Variants in SLC22A15 observed in about 807,000 individuals in gnomAD.
SLC22A15 encodes solute carrier family 22 member 15.
Under a neutral mutation model 62.7 loss-of-function variants are expected in SLC22A15, and 45 were observed. The observed-to-expected ratio is 0.72, with a 90% confidence interval of 0.56 to 0.92. The LOEUF (loss-of-function observed/expected upper bound fraction) is 0.92, where lower values mean the gene tolerates loss of function less well. Among genes scored for constraint, SLC22A15 ranks in the 40% least tolerant of loss-of-function variants. SLC22A15 has a pLI of 0.00. For missense variants in SLC22A15, 622 were observed against 665.6 expected, an observed-to-expected ratio of 0.93 and a Z score of 0.72; for synonymous variants, 264 against 267.0, an observed-to-expected ratio of 0.99 and a Z score of 0.11.
At chr1:116,008,155 C>G (rs1656077393) in intron 2 of SLC22A15, among the ~76,000 whole-genome samples, 1 of 152,016 alleles carries the variant, frequency 6.6e-6, no homozygotes, top group Non-Finnish European at 1.5e-5. Context: ...GAAATATCAA[C>G]CTAAAGGAAG....
At position 116,032,233 on chromosome 1, in the gene SLC22A15, T is replaced by C. The variant is rs941866921; in HGVS notation, c.944+652T>C. The C allele has an allele frequency of 7.1e-6, 7 of 985,346 alleles. No individual in the cohort carries two copies. The African/African-American group carries it at 1.2e-4, about 17-fold the overall frequency. The allele number at this position is 985,346 out of a possible 1,614,324, so 61.0% of individuals were successfully genotyped here. A position where few individuals can be genotyped will look rare whatever the true frequency, so the allele number is the denominator to read the frequency against. The stretch of plus-strand genomic sequence containing the variant: ...AAATGCTCTCAGCGTGAGTGTAAGT[T>C]GCATTCAGCGGTTCAAGATGGTTTC... On this transcript the variant is annotated intron_variant, in intron 6 of 11. Transcript: ENST00000369503.
At chr1:116,060,596 A>T (rs992132966) in intron 8 of SLC22A15, among the ~76,000 whole-genome samples, 5 of 152,300 alleles carry the variant, frequency 3.3e-5, no homozygotes, top group African/African-American at 1.2e-4. Context: ...AGTCCCAGAG[A>T]TCATTTGCAA....
chr1:116,031,933 G>A (rs1372998129), intron 6 of SLC22A15: 8 of 1,084,488 alleles, frequency 7.4e-6, no homozygotes, highest in Non-Finnish European at 9.0e-6. Flanking sequence ...AAATAGATGA[G>A]TTTTTAAATA....
intron 8 of SLC22A15, among the ~76,000 whole-genome samples, chr1:116,056,038 G>A (rs1487534926): frequency 2.5e-5 from 3 of 122,426 alleles, no homozygotes; most frequent in African/African-American, 6.3e-5. Context: ...TCAACATAGT[G>A]TTGGAAGTTC....
At chr1:116,054,502 A>G (rs1303465934) in intron 8 of SLC22A15, among the ~76,000 whole-genome samples, 1 of 152,166 alleles carries the variant, frequency 6.6e-6, no homozygotes, top group African/African-American at 2.4e-5. Context: ...TCAACGAGAC[A>G]GAAAGTTAAA....
At chr1:116,020,525 C>T (rs1656771845) in intron 3 of SLC22A15, among the ~76,000 whole-genome samples, 196 bp from the exon 4 acceptor site, 1 of 148,446 alleles carries the variant, frequency 6.7e-6, no homozygotes, top group Admixed American at 6.7e-5. Flanking sequence ...CACTGCACTC[C>T]AGCCTGGGTG....
rs116768776 is a variant in SLC22A15 at position 115,986,726 on chromosome 1, T to G, written c.88-5305T>G. 3.6e-3 allele frequency among the ~76,000 whole-genome samples: 547 copies of G among 152,328 alleles called. 5 individuals are homozygous for G. Among genetic ancestry groups the G allele is most frequent in the African/African-American group, 0.013 (531 of 41,576 alleles). ...CCACCCCAGACTTAGGGAGTCACAT[T>G]AAATTTGGGAAGCACTAATATATGC... On this transcript the variant is annotated intron_variant, in intron 1 of 11. Transcript: ENST00000369503.
chr1:116,061,421 C>T lies in SLC22A15; in HGVS notation c.1172-1341C>T, dbSNP rs145542738. Among the ~76,000 whole-genome samples the T allele has an allele frequency of 1.1e-3, 169 of 152,138 alleles. 2 individuals are homozygous for T. In the East Asian group the frequency reaches 0.03, roughly 27 times the overall value. ...CAGAAATGTCAAGGAGAATGAGAGG[C>T]AATTACATTTGGTGATGAGGACATT... On this transcript the variant is annotated intron_variant, in intron 8 of 11. Coordinates refer to ENST00000369503, the MANE Select transcript of SLC22A15 (RefSeq NM_018420.3).
chr1:116,042,608 A>G (rs1557902758), intron 8 of SLC22A15, among the ~76,000 whole-genome samples: 3 of 152,226 alleles, frequency 2.0e-5, no homozygotes, highest in South Asian at 4.1e-4. Flanking sequence ...TAAAAACTAT[A>G]AACACATAAT....
intron 5 of SLC22A15, 114 bp downstream of exon 5, chr1:116,027,136 T>C: frequency 2.0e-6 from 2 of 1,014,380 alleles, no homozygotes; most frequent in Non-Finnish European, 3.0e-6. Context: ...GCACTGACTT[T>C]GGTGAAGAAC....
At chr1:116,058,764 C>T (rs186958836) in intron 8 of SLC22A15, among the ~76,000 whole-genome samples, 54 of 152,240 alleles carry the variant, frequency 3.5e-4, no homozygotes, top group Admixed American at 8.5e-4. Context: ...GGTATATATA[C>T]AATGGAATAC....
intron 1 of SLC22A15, among the ~76,000 whole-genome samples, chr1:115,982,082 G>A (rs1654636653): frequency 6.6e-6 from 1 of 152,194 alleles, no homozygotes; most frequent in South Asian, 2.1e-4. Context: ...TGGCCTTGGG[G>A]CAGTGTTGAC....
chr1:116,012,852 A>T (rs1279833580), intron 2 of SLC22A15, among the ~76,000 whole-genome samples: 2 of 152,188 alleles, frequency 1.3e-5, no homozygotes, highest in African/African-American at 4.8e-5. Flanking sequence ...CTGGGCTAGT[A>T]GTAAGTGTGG....
intron 2 of SLC22A15, among the ~76,000 whole-genome samples, chr1:116,006,266 C>G (rs1234726880): frequency 6.6e-6 from 1 of 152,092 alleles, no homozygotes; most frequent in Non-Finnish European, 1.5e-5. Context: ...ATCCTGCACT[C>G]CAGGACAACA....
intron 1 of SLC22A15, among the ~76,000 whole-genome samples, chr1:115,982,346 T>C (rs1256175067): frequency 6.6e-6 from 1 of 152,214 alleles, no homozygotes; most frequent in African/African-American, 2.4e-5. Context: ...CACCCTAAAG[T>C]AAAGCATGCT....
At chr1:116,035,728 T>C (rs951438773) in intron 7 of SLC22A15, among the ~76,000 whole-genome samples, 2 of 152,214 alleles carry the variant, frequency 1.3e-5, no homozygotes, top group African/African-American at 4.8e-5. Context: ...AGACAAATAA[T>C]TGAAGGAACT....
chr1:116,010,993 T>C (rs540279009), intron 2 of SLC22A15, among the ~76,000 whole-genome samples: 3 of 152,360 alleles, frequency 2.0e-5, no homozygotes, highest in South Asian at 2.1e-4. Context: ...TTGTCTTCCT[T>C]TCCTTTATGA....
chr1:116,053,427 A>G (rs1013057397), intron 8 of SLC22A15, among the ~76,000 whole-genome samples: 1 of 152,228 alleles, frequency 6.6e-6, no homozygotes, highest in Non-Finnish European at 1.5e-5. Context: ...TCTATGTCCG[A>G]TTGGTGTACC....
At chr1:115,991,339 G>A (rs1174970880) in intron 1 of SLC22A15, among the ~76,000 whole-genome samples, 2 of 152,144 alleles carry the variant, frequency 1.3e-5, no homozygotes, top group African/African-American at 4.8e-5. Flanking sequence ...GAATGAATGC[G>A]TGAAGTATAT....
Sources: gnomAD v4.1 joint callset for allele counts (sites outside exome capture counted in the v4.1 genomes callset) on GRCh38, gnomAD v4.1.1 for gene constraint, MANE v1.5 for transcripts, NCBI Gene and HGNC (gene_info 2026-07-23, HGNC 2026-07-21) for gene names.